TOX: variants seen among roughly 807,000 people sequenced by gnomAD.
TOX encodes the protein thymocyte selection-associated high mobility group box protein TOX.
TOX carries 11 observed loss-of-function variants against 53.7 expected under a neutral mutation model. The observed-to-expected ratio is 0.20, with a 90% confidence interval of 0.13 to 0.34. The LOEUF (loss-of-function observed/expected upper bound fraction) is 0.34, where lower values mean the gene tolerates loss of function less well. Among genes scored for constraint, TOX ranks in the 10% least tolerant of loss-of-function variants. The pLI is 1.00. For synonymous variants in TOX, 225 were observed against 245.3 expected (o/e 0.92, Z 0.77); for missense variants, 570 against 664.6 (o/e 0.86, Z 1.56).
intron 3 of TOX, among the ~76,000 whole-genome samples, chr8:58,920,936 T>C (rs1205644838): frequency 6.6e-6 from 1 of 152,116 alleles, no homozygotes; most frequent in Non-Finnish European, 1.5e-5. Flanking sequence ...AATTATTCCC[T>C]TGAGATAAGA....
At chr8:58,921,190 C>T (rs1002229857) in intron 3 of TOX, among the ~76,000 whole-genome samples, 2 of 152,202 alleles carry the variant, frequency 1.3e-5, no homozygotes, top group African/African-American at 4.8e-5. Flanking sequence ...TGAACAAGTG[C>T]AAGCTATATT....
At chr8:59,046,115 G>A (rs981775813) in intron 1 of TOX, among the ~76,000 whole-genome samples, 5 of 152,128 alleles carry the variant, frequency 3.3e-5, no homozygotes, top group Non-Finnish European at 5.9e-5. Context: ...CCTGCTGCTA[G>A]CTGATGATTT....
intron 3 of TOX, among the ~76,000 whole-genome samples, chr8:58,861,058 A>G (rs1238411345): frequency 6.6e-6 from 1 of 152,184 alleles, no homozygotes; most frequent in Admixed American, 6.5e-5. Flanking sequence ...TGTGAATCTT[A>G]AACTATCAAC....
chr8:59,096,964 T>C (rs1454514239), intron 1 of TOX, among the ~76,000 whole-genome samples: 1 of 152,172 alleles, frequency 6.6e-6, no homozygotes, highest in Non-Finnish European at 1.5e-5. Context: ...TTCATCTAAG[T>C]GCATTGCTGG....
rs1195349410 is a variant in TOX, at chr8:58,880,633, G to A, written c.412-28828C>T. Among the ~76,000 whole-genome samples the A allele has an allele frequency of 3.3e-5, 5 of 152,138 alleles. No individual in the cohort carries two copies. In the South Asian group the frequency reaches 8.3e-4, roughly 25 times the overall value. On this transcript the variant is annotated intron_variant, in intron 3 of 8. Coordinates refer to ENST00000361421, the MANE Select transcript of TOX (RefSeq NM_014729.3). The stretch of plus-strand genomic sequence containing the variant: ...GACCCTGAAAGCTAAACATGCTAAA[G>A]CAAAATGTGAGAGATAGAGCTCTGC...
At chr8:58,898,790 C>A (rs944372049) in intron 3 of TOX, among the ~76,000 whole-genome samples, 2 of 152,142 alleles carry the variant, frequency 1.3e-5, no homozygotes, top group African/African-American at 2.4e-5. Flanking sequence ...GGAGGTCAAC[C>A]CCTTCTGTGT....
At chr8:58,870,661 A>G (rs1352832836) in intron 3 of TOX, among the ~76,000 whole-genome samples, 1 of 152,110 alleles carries the variant, frequency 6.6e-6, no homozygotes, top group Non-Finnish European at 1.5e-5. Context: ...TGTGGACACC[A>G]TGGTATTGGC....
chr8:58,941,116 C>T (rs75417835), intron 2 of TOX, among the ~76,000 whole-genome samples: 4,839 of 152,152 alleles, frequency 0.032, 122 homozygotes, highest in Non-Finnish European at 0.05. Flanking sequence ...AATATGTATC[C>T]CATGTGAAAA....
rs1563443691 is a variant in TOX, at chr8:59,092,269, A to ATATACAT, written c.102+26616_102+26617insATGTATA. ...TCCATCTCATATATATATATTTTAT[A>ATATACAT]TATATATATATATTATATATACATT... On this transcript the variant is annotated intron_variant, in intron 1 of 8. Coordinates refer to ENST00000361421, the MANE Select transcript of TOX (RefSeq NM_014729.3). Among the ~76,000 whole-genome samples the ATATACAT allele has an allele frequency of 4.0e-4, 46 of 116,388 alleles. 6 individuals are homozygous for ATATACAT. Among genetic ancestry groups the ATATACAT allele is most frequent in the African/African-American group, 2.3e-3 (42 of 18,584 alleles). 76.4% of individuals were successfully genotyped at this position (116,388 alleles called of 152,430 possible).
rs1814077867 is a variant in TOX, at chr8:59,019,378, T to A, written c.103-59370A>T. On this transcript the variant is annotated intron_variant, in intron 1 of 8. Coordinates refer to ENST00000361421, the MANE Select transcript of TOX (RefSeq NM_014729.3). ...TAAGTGGAACCAAAAAAATCCACAA[T>A]CCTGATCTTATCAAAATAATTACAG... Among the ~76,000 whole-genome samples, 3 of 152,144 alleles carry A rather than the reference T, an allele frequency of 2.0e-5. No individual in the cohort carries two copies. The South Asian group carries it at 6.2e-4, about 31-fold the overall frequency.
intron 3 of TOX, among the ~76,000 whole-genome samples, chr8:58,890,203 C>T (rs1811538787): frequency 6.6e-6 from 1 of 152,138 alleles, no homozygotes; most frequent in Non-Finnish European, 1.5e-5. Context: ...TGGTAGTCTA[C>T]ACTGGGAGAA....
intron 1 of TOX, among the ~76,000 whole-genome samples, chr8:59,078,480 T>A (rs1440921180): frequency 4.6e-5 from 7 of 152,210 alleles, no homozygotes; most frequent in African/African-American, 7.2e-5. Flanking sequence ...ATTCTCTTGC[T>A]CCTGCTTTCA....
At chr8:58,876,839 C>T (rs1348774286) in intron 3 of TOX, among the ~76,000 whole-genome samples, 2 of 152,140 alleles carry the variant, frequency 1.3e-5, no homozygotes, top group Admixed American at 1.3e-4. Flanking sequence ...TACAATTTTG[C>T]CTAGCCAGTT....
At chr8:59,040,042 A>G (rs1803546600) in intron 1 of TOX, among the ~76,000 whole-genome samples, 1 of 152,232 alleles carries the variant, frequency 6.6e-6, no homozygotes, top group South Asian at 2.1e-4. Flanking sequence ...TATTCTAAGA[A>G]GCATCGGCCG....
intron 3 of TOX, among the ~76,000 whole-genome samples, chr8:58,879,681 G>A (rs957457447): frequency 9.2e-5 from 14 of 152,108 alleles, no homozygotes; most frequent in Non-Finnish European, 1.5e-5. Flanking sequence ...AAAAAATCGA[G>A]AGACTGGCTT....
chr8:58,877,861 A>ATT (rs1563377316), intron 3 of TOX, among the ~76,000 whole-genome samples: 14 of 114,296 alleles, frequency 1.2e-4, no homozygotes, highest in African/African-American at 4.2e-4. Context: ...TACATATTAA[A>ATT]AAAAAAAAAA....
chr8:59,091,787 T>C (rs1586014092), intron 1 of TOX, among the ~76,000 whole-genome samples: 1 of 152,126 alleles, frequency 6.6e-6, no homozygotes, highest in South Asian at 2.1e-4. Context: ...TCTACCTACA[T>C]CCCAAATCTT....
Position 58,881,699 on chromosome 8 carries a change from G to C in TOX, c.412-29894C>G, listed in dbSNP as rs187828796. Among the ~76,000 whole-genome samples, 112 of 140,734 alleles carry C rather than the reference G, an allele frequency of 8.0e-4. No homozygotes were observed. The East Asian group carries it at 0.017, about 21-fold the overall frequency. The allele number at this position is 140,734 out of a possible 152,430, so 92.3% of individuals were successfully genotyped here. A position where few individuals can be genotyped will look rare whatever the true frequency, so the allele number is the denominator to read the frequency against. Reference sequence around the variant, plus strand: ...AGATCACACCACTGCACTCCAGTTTGGGAGACAGAGTGAGATTCCATCTCA... The same window carrying C: ...AGATCACACCACTGCACTCCAGTTTCGGAGACAGAGTGAGATTCCATCTCA... On this transcript the variant is annotated intron_variant, in intron 3 of 8. Coordinates refer to ENST00000361421, the MANE Select transcript of TOX (RefSeq NM_014729.3).
At chr8:58,894,692 G>A (rs1170746170) in intron 3 of TOX, among the ~76,000 whole-genome samples, 3 of 151,900 alleles carry the variant, frequency 2.0e-5, no homozygotes, top group Non-Finnish European at 2.9e-5. Flanking sequence ...TCAGCAGTTC[G>A]AGACCAGCCT....
Sources: allele counts gnomAD v4.1 joint callset (sites outside exome capture counted in the v4.1 genomes callset), GRCh38; gene constraint gnomAD v4.1.1; transcripts MANE v1.5; gene names NCBI Gene and HGNC (gene_info 2026-07-23, HGNC 2026-07-21).